FMNL3: variants seen among roughly 807,000 people sequenced by gnomAD.
FMNL3 encodes formin-like protein 3.
FMNL3 carries 57 observed loss-of-function variants against 119.6 expected under a neutral mutation model. The observed-to-expected ratio is 0.48, with a 90% CI of 0.39 to 0.59. The LOEUF (loss-of-function observed/expected upper bound fraction) is 0.59. FMNL3 is among the 20% of genes least tolerant of loss of function. FMNL3 has a pLI of 0.00. For missense variants in FMNL3, 1,053 were observed against 1,323.5 expected (o/e 0.80, Z 3.17); for synonymous variants, 491 against 507.3 (o/e 0.97, Z 0.43).
rs765141072 is a variant in FMNL3, at chr12:49,644,019, C to A, written c.*1796G>T. The A allele has an allele frequency of 6.2e-7, 1 of 1,614,104 alleles. No individual in the cohort carries two copies. The highest frequency in any genetic ancestry group is 8.5e-7 in the Non-Finnish European group (1 of 1,180,012). Reference sequence around the variant, plus strand: ...AGAAGGAGAAGGTGAGGGGCAGGGGCCCTAGGCCAGTCAGCACGCTGGTCA... The same window carrying A: ...AGAAGGAGAAGGTGAGGGGCAGGGGACCTAGGCCAGTCAGCACGCTGGTCA... On this transcript the variant is annotated 3_prime_UTR_variant, in exon 26 of 26. Transcript: ENST00000335154.
rs1182661518 is a variant in FMNL3 at position 49,654,890 on chromosome 12, A to T, written c.960+20T>A. 6.2e-7 allele frequency: 1 copy of T among 1,612,446 alleles called. No individual in the cohort carries two copies. The highest frequency in any genetic ancestry group is 8.5e-7 in the Non-Finnish European group (1 of 1,178,788). On this transcript the variant is annotated intron_variant, in intron 10 of 25. Transcript: ENST00000335154. ...CACAGCCCTGGTGGGTATGTGCTGG[A>T]CCCAGGCCCAGTTCCTCACCATGAA...
At chr12:49,670,834 C>T (rs940252005) in intron 1 of FMNL3, among the ~76,000 whole-genome samples, 5 of 152,224 alleles carry the variant, frequency 3.3e-5, no homozygotes, top group African/African-American at 9.7e-5. Context: ...GAGGCCTCAA[C>T]AAAACAAGGA....
Position 49,668,218 on chromosome 12 carries a change from C to T in FMNL3, c.210+253G>A, listed in dbSNP as rs567934933. ...GCCAATCCTATACCCCTGATCTACA[C>T]AAATCCCCTTATACTATTGCCCATT... On this transcript the variant is annotated intron_variant, in intron 2 of 25. Coordinates refer to ENST00000335154, the MANE Select transcript of FMNL3 (RefSeq NM_175736.5). Among the ~76,000 whole-genome samples the T allele has an allele frequency of 5.3e-5, 8 of 152,358 alleles. No homozygotes were observed. The East Asian group carries it at 1.2e-3, about 22-fold the overall frequency.
intron 9 of FMNL3, among the ~76,000 whole-genome samples, chr12:49,655,933 A>G (rs1943554730): frequency 1.3e-5 from 2 of 152,138 alleles, no homozygotes; most frequent in Admixed American, 6.5e-5. Flanking sequence ...CCCCTCACCA[A>G]TAACAGCCAA....
chr12:49,693,188 T>G (rs1440519540), intron 1 of FMNL3, among the ~76,000 whole-genome samples: 2 of 152,062 alleles, frequency 1.3e-5, no homozygotes, highest in East Asian at 3.9e-4. Flanking sequence ...TAAATTTGGG[T>G]GCTTTGTGGA....
At chr12:49,650,432 A>G (rs1030544870) in intron 17 of FMNL3, among the ~76,000 whole-genome samples, 3 of 152,148 alleles carry the variant, frequency 2.0e-5, no homozygotes, top group Admixed American at 6.5e-5. Context: ...GTATACTTCT[A>G]CCATCCTGGT....
intron 1 of FMNL3, among the ~76,000 whole-genome samples, chr12:49,698,221 AG>A (rs1199133089): frequency 6.6e-6 from 1 of 152,130 alleles, no homozygotes; most frequent in East Asian, 1.9e-4. Context: ...GGTGTGTATA[AG>A]GGACCCAGAG....
At chr12:49,655,796 T>C (rs1592649673) in intron 9 of FMNL3, among the ~76,000 whole-genome samples, 1 of 151,362 alleles carries the variant, frequency 6.6e-6, no homozygotes, top group African/African-American at 2.4e-5. Context: ...AGGGAAGAGG[T>C]CCAAAGAAGA....
rs200947086 is a variant in FMNL3, at chr12:49,687,401, T to TA, written c.127-18848dup. The stretch of plus-strand genomic sequence containing the variant: ...GCCACCGCGCCTGGCCCCTCTCTCT[T>TA]ATTTTTTAAGAGACGGGGTTGTCCA... On this transcript the variant is annotated intron_variant, in intron 1 of 25. Coordinates refer to ENST00000335154, the MANE Select transcript of FMNL3 (RefSeq NM_175736.5). 8.8e-3 allele frequency among the ~76,000 whole-genome samples: 1,331 copies of TA among 151,932 alleles called. 18 individuals are homozygous for TA. The highest frequency in any genetic ancestry group is 0.03 in the African/African-American group (1,245 of 41,436).
chr12:49,638,140 C>A lies in FMNL3; in HGVS notation c.*7675G>T. The A allele has an allele frequency of 3.3e-6, 1 of 306,128 alleles. No individual in the cohort carries two copies. The highest frequency in any genetic ancestry group is 6.2e-6 in the Non-Finnish European group (1 of 162,218). The allele number at this position is 306,128 out of a possible 1,614,324, so 19.0% of individuals were successfully genotyped here. ...TGTAGGTGGAAGAGGTTGGAGTGTA[C>A]ACGGGGTACTAAGAGCAAAGGCAAG... On this transcript the variant is annotated 3_prime_UTR_variant, in exon 26 of 26. Coordinates refer to ENST00000335154, the MANE Select transcript of FMNL3 (RefSeq NM_175736.5).
intron 5 of FMNL3, 137 bp from the exon 6 acceptor site, chr12:49,658,731 G>T: frequency 9.4e-7 from 1 of 1,060,264 alleles, no homozygotes; most frequent in Non-Finnish European, 1.3e-6. Flanking sequence ...AGGAGAGAAA[G>T]CAGAACTGGG....
Position 49,637,711 on chromosome 12 carries a change from C to A in FMNL3, c.*8104G>T, listed in dbSNP as rs1483926007. On this transcript the variant is annotated 3_prime_UTR_variant, in exon 26 of 26. Coordinates refer to ENST00000335154, the MANE Select transcript of FMNL3 (RefSeq NM_175736.5). Reference sequence around the variant, plus strand: ...CTTGGGAAGCTGCCGCCCGCCAGGCCCCCCTCCCTCCCTCCTTACAGGCTC... The same window carrying A: ...CTTGGGAAGCTGCCGCCCGCCAGGCACCCCTCCCTCCCTCCTTACAGGCTC... 8 of 1,532,690 alleles carry A rather than the reference C, an allele frequency of 5.2e-6. No homozygotes were observed. Among genetic ancestry groups the A allele is most frequent in the Non-Finnish European group, 6.3e-6 (7 of 1,112,896 alleles). The allele number at this position is 1,532,690 out of a possible 1,614,324, so 94.9% of individuals were successfully genotyped here.
At chr12:49,692,245 T>G (rs1366958148) in intron 1 of FMNL3, among the ~76,000 whole-genome samples, 1 of 151,570 alleles carries the variant, frequency 6.6e-6, no homozygotes, top group Non-Finnish European at 1.5e-5. Context: ...CCCAGCTACT[T>G]GGGAGGACTG....
chr12:49,665,412 A>G (rs1486670299), intron 4 of FMNL3, among the ~76,000 whole-genome samples: 2 of 152,222 alleles, frequency 1.3e-5, no homozygotes, highest in African/African-American at 4.8e-5. Flanking sequence ...ATAAACTTCC[A>G]GGCACCAAAA....
At chr12:49,686,105 G>A (rs1223540041) in intron 1 of FMNL3, among the ~76,000 whole-genome samples, 2 of 151,802 alleles carry the variant, frequency 1.3e-5, no homozygotes, top group Non-Finnish European at 2.9e-5. Flanking sequence ...AAATGTTTTG[G>A]TTTTTGGAAG....
chr12:49,662,490 G>A (rs999590679), intron 4 of FMNL3, among the ~76,000 whole-genome samples: 2 of 152,190 alleles, frequency 1.3e-5, no homozygotes, highest in African/African-American at 4.8e-5. Context: ...CCTCAGTCAA[G>A]ACCCCAGCAG....
At chr12:49,702,555 A>C (rs1944937631) in intron 1 of FMNL3, among the ~76,000 whole-genome samples, 1 of 152,146 alleles carries the variant, frequency 6.6e-6, no homozygotes, top group Non-Finnish European at 1.5e-5. Context: ...AACAAAACAA[A>C]ACAAAACAAA....
chr12:49,647,315 C>T lies in FMNL3; in HGVS notation c.2832G>A (p.Glu944=). ...ARKKQEEVMR[E]KQLAQEAKKL... is the part of the protein sequence containing the mutation. ...TCTTGGCTTCCTGAGCCAGCTGCTTCTCCCGCATTACCTCCTCCTGCTTCT... is the reference window on the plus strand; with the variant it reads ...TCTTGGCTTCCTGAGCCAGCTGCTTTTCCCGCATTACCTCCTCCTGCTTCT... Residue 944 remains glutamate (E), a synonymous_variant, in exon 24 of 26, where the codon GAG becomes GAA. Coordinates refer to ENST00000335154, the MANE Select transcript of FMNL3 (RefSeq NM_175736.5). This position sits in a 1 kb window ranked among gnomAD's most constrained non-coding sequence, Gnocchi z 4.9. 1 of 1,614,038 alleles carries T rather than the reference C, an allele frequency of 6.2e-7. No individual in the cohort carries two copies. Among genetic ancestry groups the T allele is most frequent in the Non-Finnish European group, 8.5e-7 (1 of 1,180,028 alleles).
chr12:49,688,542 G>A (rs1944525156), intron 1 of FMNL3: 1 of 455,792 alleles, frequency 2.2e-6, no homozygotes, highest in Non-Finnish European at 4.4e-6. Flanking sequence ...CCACCCCAGG[G>A]CTTTGCAAAA....
Sources: allele counts gnomAD v4.1 joint callset (sites outside exome capture counted in the v4.1 genomes callset), GRCh38; gene constraint gnomAD v4.1.1; non-coding constraint Gnocchi (gnomAD v3.1); transcripts MANE v1.5; gene names NCBI Gene and HGNC (gene_info 2026-07-23, HGNC 2026-07-21).